The following TMEM62 variants were observed in gnomAD, a reference collection of about 807,000 sequenced individuals.
TMEM62 encodes the protein transmembrane protein 62.
In TMEM62, 41 loss-of-function variants were observed where a neutral mutation model predicts 70.4. The observed-to-expected ratio is 0.58, with a 90% confidence interval of 0.45 to 0.76. The LOEUF (loss-of-function observed/expected upper bound fraction) is 0.76. TMEM62 is among the 30% of genes least tolerant of loss of function. The pLI is 0.00. For synonymous variants in TMEM62, 268 were observed against 291.0 expected (o/e 0.92, Z 0.80); for missense variants, 688 against 788.5 (o/e 0.87, Z 1.53).
intron 9 of TMEM62, among the ~76,000 whole-genome samples, chr15:43,155,095 G>A (rs1349601948): frequency 1.3e-5 from 2 of 152,166 alleles, no homozygotes; most frequent in African/African-American, 4.8e-5. Context: ...TGGGCACAGT[G>A]GCATGTGCCT....
intron 4 of TMEM62, 143 bp downstream of exon 4, chr15:43,138,762 C>T: frequency 2.9e-6 from 2 of 681,464 alleles, no homozygotes; most frequent in East Asian, 2.5e-5. Context: ...TAGCTCTGAA[C>T]TGAGCTCAAA....
intron 11 of TMEM62, 108 bp downstream of exon 11, chr15:43,169,785 C>A: frequency 1.2e-6 from 1 of 864,042 alleles, no homozygotes; most frequent in Non-Finnish European, 1.8e-6. Flanking sequence ...TGACCATGGC[C>A]CAGGGAAAAC....
At chr15:43,179,193 G>T (rs1272613742) in intron 12 of TMEM62, among the ~76,000 whole-genome samples, 1 of 152,058 alleles carries the variant, frequency 6.6e-6, no homozygotes, top group Non-Finnish European at 1.5e-5. Context: ...AGTCCAGGAG[G>T]TCAAATCCAG....
At chr15:43,170,428 AC>A (rs1411921253) in intron 11 of TMEM62, among the ~76,000 whole-genome samples, 1 of 152,240 alleles carries the variant, frequency 6.6e-6, no homozygotes, top group Non-Finnish European at 1.5e-5. Context: ...GGTTTAAAAC[AC>A]TTGGTCAGAA....
At chr15:43,171,720 T>C (rs62019370) in intron 11 of TMEM62, among the ~76,000 whole-genome samples, 2 of 150,360 alleles carry the variant, frequency 1.3e-5, no homozygotes, top group African/African-American at 2.5e-5. Flanking sequence ...CTCTGCCTCC[T>C]GGGTTCATGC....
At chr15:43,145,694 T>A (rs1165561382) in intron 4 of TMEM62, among the ~76,000 whole-genome samples, 1 of 152,244 alleles carries the variant, frequency 6.6e-6, no homozygotes, top group Non-Finnish European at 1.5e-5. Context: ...TTTGTATTTT[T>A]AAATATATGC....
chr15:43,133,621 C>T lies in TMEM62; in HGVS notation c.-182C>T. 2.5e-6 allele frequency: 1 copy of T among 399,276 alleles called. No individual in the cohort carries two copies. Among genetic ancestry groups the T allele is most frequent in the Non-Finnish European group, 4.3e-6 (1 of 231,928 alleles). The allele number at this position is 399,276 out of a possible 1,614,324, so 24.7% of individuals were successfully genotyped here. A position where few individuals can be genotyped will look rare whatever the true frequency, so the allele number is the denominator to read the frequency against. On this transcript the variant is annotated 5_prime_UTR_variant, in exon 1 of 14. Coordinates refer to ENST00000260403, the MANE Select transcript of TMEM62 (RefSeq NM_024956.4). ...CCAGAGAGGGGCAGGTGCTGGGCGG[C>T]GGCTGACGGGCGCAGCACCCTAGGC...
Position 43,165,728 on chromosome 15 carries a change from G to A in TMEM62, c.1297-3865G>A, listed in dbSNP as rs1034571272. Among the ~76,000 whole-genome samples, 19 of 149,142 alleles carry A rather than the reference G, an allele frequency of 1.3e-4. 1 individual carries two copies. The highest frequency in any genetic ancestry group is 5.3e-4 in the Admixed American group (8 of 14,960). On this transcript the variant is annotated intron_variant, in intron 10 of 13. Transcript: ENST00000260403. ...AGCCTGGGTAACAGAGCAAGACTCCGTCTCAAAAAAAAAATAAAATAAATT... is the reference window on the plus strand; with the variant it reads ...AGCCTGGGTAACAGAGCAAGACTCCATCTCAAAAAAAAAATAAAATAAATT...
At chr15:43,134,139 G>A (rs948489713) in intron 1 of TMEM62, 118 bp from the exon 2 acceptor site, 3 of 1,440,346 alleles carry the variant, frequency 2.1e-6, no homozygotes, top group Middle Eastern at 2.3e-4. Context: ...TACCTGGGGG[G>A]TTCGTTATGC....
intron 4 of TMEM62, among the ~76,000 whole-genome samples, chr15:43,139,365 T>TA (rs1381824979): frequency 1.3e-5 from 2 of 152,088 alleles, no homozygotes; most frequent in Non-Finnish European, 2.9e-5. Flanking sequence ...ACAACAATAT[T>TA]AAAATTAGGC....
intron 10 of TMEM62, among the ~76,000 whole-genome samples, chr15:43,167,420 A>G (rs1358543399): frequency 6.8e-5 from 10 of 147,848 alleles, no homozygotes; most frequent in African/African-American, 2.5e-4. Context: ...GGCGGTTGCC[A>G]GGCAGAGGGT....
chr15:43,148,886 C>T lies in TMEM62; in HGVS notation c.743+7C>T, dbSNP rs760011139. The T allele has an allele frequency of 3.7e-6, 6 of 1,607,352 alleles. 1 individual carries two copies. In the South Asian group the frequency reaches 6.7e-5, roughly 18 times the overall value. ...GAATCCGGTCAATAATGAGGTGAGA[C>T]AAGCTTCCAAAATCAGAATTAATTT... On this transcript the variant is annotated splice_region_variant and intron_variant, in intron 6 of 13. Coordinates refer to ENST00000260403, the MANE Select transcript of TMEM62 (RefSeq NM_024956.4).
chr15:43,178,466 T>C, intron 11 of TMEM62, 141 bp from the exon 12 acceptor site: 1 of 495,806 alleles, frequency 2.0e-6, no homozygotes, highest in Non-Finnish European at 3.6e-6. Context: ...GAATTTAAAG[T>C]GGTGTCATCT....
intron 9 of TMEM62, 167 bp from the exon 10 acceptor site, chr15:43,160,514 C>G: frequency 3.6e-6 from 2 of 553,172 alleles, no homozygotes; most frequent in Non-Finnish European, 6.4e-6. Flanking sequence ...CACTGCACGC[C>G]AGCCTGGACA....
intron 13 of TMEM62, among the ~76,000 whole-genome samples, chr15:43,183,691 T>A (rs985103635): frequency 2.0e-5 from 3 of 152,146 alleles, no homozygotes; most frequent in African/African-American, 7.2e-5. Flanking sequence ...GTAAGCTCTA[T>A]GACGGACCTT....
chr15:43,142,136 A>G (rs1303914213), intron 4 of TMEM62, among the ~76,000 whole-genome samples: 3 of 151,968 alleles, frequency 2.0e-5, no homozygotes, highest in African/African-American at 7.3e-5. Flanking sequence ...AAATGCTATC[A>G]AGCAGCATTG....
rs573609815 is a variant in TMEM62, at chr15:43,145,121, A to G, written c.477-1372A>G. Among the ~76,000 whole-genome samples the G allele has an allele frequency of 2.1e-5, 3 of 140,410 alleles. No individual in the cohort carries two copies. In the East Asian group the frequency reaches 6.3e-4, roughly 29 times the overall value. 92.1% of individuals were successfully genotyped at this position (140,410 alleles called of 152,430 possible). On this transcript the variant is annotated intron_variant, in intron 4 of 13. Transcript: ENST00000260403. ...TCCGTCTCAAAAAAAAAAAAAAAAG[A>G]TTCTGAGGAATAACTGAACATAAAA...
At chr15:43,183,514 G>A (rs557317630) in intron 13 of TMEM62, among the ~76,000 whole-genome samples, 28 of 152,258 alleles carry the variant, frequency 1.8e-4, no homozygotes, top group African/African-American at 6.7e-4. Flanking sequence ...TGTTCCTTCT[G>A]CCTAGAATGC....
At chr15:43,154,330 C>T (rs1032843548) in intron 8 of TMEM62, among the ~76,000 whole-genome samples, 4 of 152,114 alleles carry the variant, frequency 2.6e-5, no homozygotes, top group African/African-American at 7.2e-5. Flanking sequence ...GAGATTTCCA[C>T]CCTATATTAT....
Sources: allele counts gnomAD v4.1 joint callset (sites outside exome capture counted in the v4.1 genomes callset), GRCh38; gene constraint gnomAD v4.1.1; transcripts MANE v1.5; gene names NCBI Gene and HGNC (gene_info 2026-07-23, HGNC 2026-07-21).